The following ZEB1 variants were observed in gnomAD, a reference collection of about 807,000 sequenced individuals.
ZEB1 encodes the protein zinc finger E-box-binding homeobox 1.
A neutral mutation model predicts 84.9 loss-of-function variants in ZEB1; 21 were observed. The ratio of observed to expected loss-of-function variants is 0.25; its 90% CI spans 0.18 to 0.36. The LOEUF (loss-of-function observed/expected upper bound fraction) is 0.36, where lower values mean the gene tolerates loss of function less well. Among genes scored for constraint, ZEB1 ranks in the 10% least tolerant of loss-of-function variants. The pLI, the probability that ZEB1 is intolerant of heterozygous loss-of-function variation, is 1.00. For missense variants in ZEB1, 1,104 were observed against 1,330.2 expected, an observed-to-expected ratio of 0.83 and a Z score of 2.65; for synonymous variants, 420 against 471.1, an observed-to-expected ratio of 0.89 and a Z score of 1.41.
At chr10:31,358,445 A>C (rs907757612) in intron 1 of ZEB1, 1 of 152,148 alleles carries the variant, frequency 6.6e-6, no homozygotes, top group African/African-American at 2.4e-5. Context: ...TTTTCCCAAA[A>C]ATTCTCTTCT....
At chr10:31,475,178 T>TGTGC (rs1385762437) in intron 2 of ZEB1, among the ~76,000 whole-genome samples, 19 of 151,330 alleles carry the variant, frequency 1.3e-4, no homozygotes, top group Non-Finnish European at 2.5e-4. Flanking sequence ...ACCTGCACAA[T>TGTGC]GTGCACATGT....
intron 1 of ZEB1, among the ~76,000 whole-genome samples, chr10:31,403,122 A>T (rs1179395662): frequency 6.6e-6 from 1 of 152,024 alleles, no homozygotes; most frequent in African/African-American, 2.4e-5. Context: ...TAGTTTTATT[A>T]CTCTACTAGC....
intron 1 of ZEB1, among the ~76,000 whole-genome samples, chr10:31,450,184 T>C (rs1378082750): frequency 6.6e-6 from 1 of 152,236 alleles, no homozygotes; most frequent in African/African-American, 2.4e-5. Flanking sequence ...TGACACAAAA[T>C]CATTCTATTC....
intron 1 of ZEB1, among the ~76,000 whole-genome samples, chr10:31,410,013 C>A (rs184296769): frequency 6.0e-4 from 91 of 152,258 alleles, no homozygotes; most frequent in African/African-American, 1.9e-3. Flanking sequence ...CTTTCTCTTG[C>A]GTGATTGCCC....
At chr10:31,392,396 T>G (rs1002907361) in intron 1 of ZEB1, among the ~76,000 whole-genome samples, 6 of 152,180 alleles carry the variant, frequency 3.9e-5, no homozygotes, top group Middle Eastern at 6.3e-3. Flanking sequence ...TGGGCATTAT[T>G]GGGACAGTTT....
chr10:31,435,653 G>C (rs1243690224), intron 1 of ZEB1, among the ~76,000 whole-genome samples: 1 of 152,180 alleles, frequency 6.6e-6, no homozygotes, highest in Non-Finnish European at 1.5e-5. Flanking sequence ...GCATGGAGTA[G>C]AGAAGGCTTG....
At chr10:31,343,870 A>G (rs2039830213) in intron 1 of ZEB1, among the ~76,000 whole-genome samples, 1 of 152,132 alleles carries the variant, frequency 6.6e-6, no homozygotes, top group Non-Finnish European at 1.5e-5. Flanking sequence ...CTGTCAAATC[A>G]GATGTGTGTT....
At chr10:31,387,403 C>G in intron 1 of ZEB1, 1 of 620,996 alleles carries the variant, frequency 1.6e-6, no homozygotes. Context: ...TAGGACATCA[C>G]ACATTCATCA....
At chr10:31,416,287 G>A (rs1172468061) in intron 1 of ZEB1, among the ~76,000 whole-genome samples, 2 of 129,982 alleles carry the variant, frequency 1.5e-5, no homozygotes, top group East Asian at 2.0e-4. Context: ...TTTGTGTGCT[G>A]TAGACTTCTA....
intron 2 of ZEB1, among the ~76,000 whole-genome samples, chr10:31,474,400 G>A (rs962565782): frequency 1.3e-5 from 2 of 152,092 alleles, no homozygotes; most frequent in Non-Finnish European, 2.9e-5. Context: ...AGTGGGCAAA[G>A]GACATGAACA....
intron 1 of ZEB1, among the ~76,000 whole-genome samples, chr10:31,416,920 T>C (rs2055313640): frequency 6.6e-6 from 1 of 152,104 alleles, no homozygotes; most frequent in South Asian, 2.1e-4. Context: ...ACAAAACCAT[T>C]ATTGTCCAGT....
At position 31,514,710 on chromosome 10, in the gene ZEB1, T is replaced by TAA; in HGVS notation, c.793+4_793+5dup. The TAA allele has an allele frequency of 6.2e-7, 1 of 1,609,176 alleles. No individual in the cohort carries two copies. On this transcript the variant is annotated splice_region_variant and intron_variant, in intron 6 of 8. Coordinates refer to ENST00000424869, the MANE Select transcript of ZEB1 (RefSeq NM_001174096.2). Reference sequence around the variant, plus strand: ...AAGAGCACTTAAGAATTCACAGTGGTAAATATTTTTTTTCTTTCTATACCC... The same window carrying TAA: ...AAGAGCACTTAAGAATTCACAGTGGTAAAAATATTTTTTTTCTTTCTATACCC...
At chr10:31,368,584 T>C (rs989767998) in intron 1 of ZEB1, among the ~76,000 whole-genome samples, 6 of 152,162 alleles carry the variant, frequency 3.9e-5, no homozygotes, top group Non-Finnish European at 8.8e-5. Flanking sequence ...GTTTTTTAAA[T>C]TTTTTTCCTG....
intron 1 of ZEB1, among the ~76,000 whole-genome samples, chr10:31,370,070 T>C (rs771821284): frequency 9.9e-5 from 15 of 152,218 alleles, no homozygotes; most frequent in Non-Finnish European, 1.6e-4. Flanking sequence ...GTTTTGTTAT[T>C]GAGATGTTGG....
chr10:31,356,451 A>G (rs1212718201), intron 1 of ZEB1, among the ~76,000 whole-genome samples: 4 of 151,970 alleles, frequency 2.6e-5, no homozygotes, highest in African/African-American at 7.3e-5. Context: ...CTATTGGTTG[A>G]TTGATTGAAA....
At chr10:31,433,978 A>C (rs2058020590) in intron 1 of ZEB1, among the ~76,000 whole-genome samples, 1 of 152,350 alleles carries the variant, frequency 6.6e-6, no homozygotes, top group East Asian at 1.9e-4. Flanking sequence ...CAAATAAGTT[A>C]AAGAAGACTC....
chr10:31,385,437 C>A (rs2048448979), intron 1 of ZEB1, among the ~76,000 whole-genome samples: 2 of 152,150 alleles, frequency 1.3e-5, no homozygotes, highest in Admixed American at 1.3e-4. Flanking sequence ...TTAAAGTATA[C>A]ACATTCAGTC....
Position 31,502,337 on chromosome 10 carries a change from AT to A in ZEB1, c.323-3del, listed in dbSNP as rs746202315. 24 of 1,611,294 alleles carry A rather than the reference AT, an allele frequency of 1.5e-5. No individual in the cohort carries two copies. The highest frequency in any genetic ancestry group is 4.5e-5 in the East Asian group (2 of 44,762). On this transcript the variant is annotated splice_polypyrimidine_tract_variant and intron_variant, in intron 3 of 8. Transcript: ENST00000424869. ...TGAGATTGCTGTCTTAAAAGTATGCATTTTTTTTAGTAAAAGATGATGAATG... is the reference window on the plus strand; with the variant it reads ...TGAGATTGCTGTCTTAAAAGTATGCATTTTTTTAGTAAAAGATGATGAATG...
At chr10:31,446,747 T>TTCTA (rs1425429893) in intron 1 of ZEB1, among the ~76,000 whole-genome samples, 2 of 151,684 alleles carry the variant, frequency 1.3e-5, no homozygotes, top group African/African-American at 4.8e-5. Context: ...TAATCCTGAG[T>TTCTA]TCTAGTTTGA....
Sources: allele counts gnomAD v4.1 joint callset (sites outside exome capture counted in the v4.1 genomes callset), GRCh38; gene constraint gnomAD v4.1.1; transcripts MANE v1.5; gene names NCBI Gene and HGNC (gene_info 2026-07-23, HGNC 2026-07-21).